The following ZNF248 variants were observed in gnomAD, a reference collection of about 807,000 sequenced individuals.
ZNF248 encodes the protein zinc finger protein 248.
In ZNF248, 20 loss-of-function variants were observed where a neutral mutation model predicts 44.3. The ratio of observed to expected loss-of-function variants is 0.45; its 90% confidence interval spans 0.32 to 0.66. ZNF248 has a LOEUF of 0.66. Ranked by LOEUF, ZNF248 falls within the 30% of genes least tolerant of loss-of-function variation. ZNF248 has a pLI of 0.04. For synonymous variants in ZNF248, 224 were observed against 229.0 expected, an observed-to-expected ratio of 0.98 and a Z score of 0.20; for missense variants, 654 against 677.0, an observed-to-expected ratio of 0.97 and a Z score of 0.38.
At chr10:37,794,671 CTGTG>C (rs35329460) in intron 6 of ZNF248, 9,343 of 162,378 alleles carry the variant, frequency 0.058, 349 homozygotes, top group Non-Finnish European at 0.087. Context: ...ATAGTTTCTC[CTGTG>C]TGTGTTCTCT....
At chr10:37,840,191 A>G (rs984802570) in intron 3 of ZNF248, among the ~76,000 whole-genome samples, 1 of 152,232 alleles carries the variant, frequency 6.6e-6, no homozygotes, top group African/African-American at 2.4e-5. Flanking sequence ...AATTTATAAC[A>G]TCAAATTCAT....
chr10:37,848,889 G>C (rs2059762504), intron 3 of ZNF248, among the ~76,000 whole-genome samples: 1 of 152,132 alleles, frequency 6.6e-6, no homozygotes, highest in Admixed American at 6.5e-5. Flanking sequence ...TACCTGTGCT[G>C]ATCAAACTAG....
chr10:37,781,163 A>G (rs1051059278), intron 6 of ZNF248, among the ~76,000 whole-genome samples: 3 of 152,198 alleles, frequency 2.0e-5, no homozygotes, highest in African/African-American at 7.2e-5. Flanking sequence ...GTGTGATGGT[A>G]TATCCAGATG....
At chr10:37,857,882 C>T (rs1408275300), upstream of ZNF248, 1 of 152,402 alleles carries the variant, frequency 6.6e-6, no homozygotes, top group Non-Finnish European at 1.5e-5. Flanking sequence ...CAGAGACGCC[C>T]TCGTCCCACC....
downstream of ZNF248, among the ~76,000 whole-genome samples, chr10:37,827,824 C>T (rs1208726): frequency 0.06 from 9,112 of 152,226 alleles, 355 homozygotes; most frequent in Middle Eastern, 0.095. Flanking sequence ...GCAATAGTTC[C>T]ACATTTCCCT....
Position 37,833,071 on chromosome 10 carries a change from T to C in ZNF248, c.284A>G (p.Asn95Ser), listed in dbSNP as rs552244520. ...VDDVLESSQE[N>S]EDDHFWELLF... ...AAGCTCCCAAAAATGGTCATCTTCATTTTCCTGGCTGCTCTCTAACACGTC... is the reference window on the plus strand; with the variant it reads ...AAGCTCCCAAAAATGGTCATCTTCACTTTCCTGGCTGCTCTCTAACACGTC... Residue 95 changes from asparagine to serine, a missense_variant, in exon 6 of 6, where the codon AAT (asparagine) becomes AGT (serine). Coordinates refer to ENST00000395867, the MANE Select transcript of ZNF248 (RefSeq NM_021045.3). The C allele has an allele frequency of 4.3e-6, 7 of 1,609,832 alleles. No homozygotes were observed. Among genetic ancestry groups the C allele is most frequent in the Non-Finnish European group, 5.9e-6 (7 of 1,178,672 alleles).
At chr10:37,836,802 ACAC>A (rs2057304485) in intron 5 of ZNF248, among the ~76,000 whole-genome samples, 1 of 136,458 alleles carries the variant, frequency 7.3e-6, no homozygotes, top group African/African-American at 2.8e-5. Context: ...ACACACACAC[ACAC>A]GCATTTTTTT....
In ZNF248 at chr10:37,838,033, G is replaced by A; in HGVS notation, c.94C>T (p.Leu32=). 6.2e-7 allele frequency: 1 copy of A among 1,613,890 alleles called. No homozygotes were observed. Among genetic ancestry groups the A allele is most frequent in the Non-Finnish European group, 8.5e-7 (1 of 1,179,878 alleles). ...TTTTCCAGGATCACATCTCTGTATA[G>A]AATCTTCTGAGCAGGGTCCAGCAGA... ...WYLLDPAQKI[L]YRDVILENYS... Residue 32 remains leucine (L), a synonymous_variant, in exon 4 of 6, where the codon CTA becomes TTA. Coordinates refer to ENST00000395867, the MANE Select transcript of ZNF248 (RefSeq NM_021045.3).
chr10:37,779,068 C>G (rs993406938), intron 6 of ZNF248, among the ~76,000 whole-genome samples: 2 of 152,118 alleles, frequency 1.3e-5, no homozygotes, highest in African/African-American at 4.8e-5. Context: ...GATTCACAGC[C>G]AAATTCTACC....
chr10:37,819,617 T>G, intron 6 of ZNF248: 1 of 825,108 alleles, frequency 1.2e-6, no homozygotes, highest in South Asian at 1.3e-5. Context: ...GATACGTAGA[T>G]TTCTAACCCT....
chr10:37,789,887 A>G (rs559578503), intron 6 of ZNF248, among the ~76,000 whole-genome samples: 7 of 152,180 alleles, frequency 4.6e-5, no homozygotes, highest in South Asian at 2.1e-4. Context: ...AGAACACCTG[A>G]AGTTTTAGGA....
chr10:37,768,639 T>A, the ZNF248 span, among the ~76,000 whole-genome samples: 2 of 152,146 alleles, frequency 1.3e-5, no homozygotes, highest in Non-Finnish European at 2.9e-5. Context: ...GAGGGAAATT[T>A]ATAGCACTAA....
chr10:37,836,771 TACACACAC>T (rs72082671), intron 5 of ZNF248, among the ~76,000 whole-genome samples: 28,897 of 148,402 alleles, frequency 0.19, 2,871 homozygotes, highest in Middle Eastern at 0.25. Flanking sequence ...CACAGACATG[TACACACAC>T]ACACACACAC....
chr10:37,806,191 A>G (rs1159005157), intron 6 of ZNF248, among the ~76,000 whole-genome samples: 1 of 152,002 alleles, frequency 6.6e-6, no homozygotes, highest in African/African-American at 2.4e-5. Context: ...TATCTTTCAG[A>G]CTCTGCTTTC....
chr10:37,778,548 C>T (rs1028622548), intron 6 of ZNF248, among the ~76,000 whole-genome samples: 4 of 151,876 alleles, frequency 2.6e-5, no homozygotes, highest in Admixed American at 2.0e-4. Flanking sequence ...TAATTAGATC[C>T]CATTTGTCAA....
the ZNF248 span, among the ~76,000 whole-genome samples, chr10:37,761,177 A>T: frequency 6.6e-6 from 1 of 152,114 alleles, no homozygotes; most frequent in Non-Finnish European, 1.5e-5. Context: ...TACTACAAAA[A>T]CCCACAGACT....
At chr10:37,787,625 G>A (rs1169272211) in intron 6 of ZNF248, among the ~76,000 whole-genome samples, 2 of 145,600 alleles carry the variant, frequency 1.4e-5, no homozygotes, top group African/African-American at 5.2e-5. Flanking sequence ...ATCATGTTGG[G>A]ACAATTGTAT....
Position 37,856,315 on chromosome 10 carries a change from C to T in ZNF248, c.-5G>A, listed in dbSNP as rs2061274407. 4.3e-6 allele frequency: 7 copies of T among 1,613,176 alleles called. No homozygotes were observed. The East Asian group carries it at 8.9e-5, about 21-fold the overall frequency. On this transcript the variant is annotated 5_prime_UTR_variant, in exon 3 of 6. Transcript: ENST00000395867. ...TCTCACCTGGGATTTGTTCATTTTC[C>T]GCTCTTAGTGGAGGAAGGAGAGCTG... is the stretch of plus-strand genomic sequence containing the variant.
chr10:37,767,411 C>G, the ZNF248 span, among the ~76,000 whole-genome samples: 1 of 152,228 alleles, frequency 6.6e-6, no homozygotes, highest in Non-Finnish European at 1.5e-5. Flanking sequence ...GCCCATCAGA[C>G]TAACAGCAGA....
Sources: gnomAD v4.1 joint callset for allele counts (sites outside exome capture counted in the v4.1 genomes callset) on GRCh38, gnomAD v4.1.1 for gene constraint, MANE v1.5 for transcripts, NCBI Gene and HGNC (gene_info 2026-07-23, HGNC 2026-07-21) for gene names.